DGKG: variants seen among roughly 807,000 people sequenced by gnomAD.
The protein encoded by DGKG is diacylglycerol kinase gamma.
In DGKG, 78 loss-of-function variants were observed where a neutral mutation model predicts 105.3. That is an observed-to-expected ratio of 0.74 (90% CI 0.62 to 0.89). The LOEUF is 0.89. Among genes scored for constraint, DGKG ranks in the 40% least tolerant of loss-of-function variants. The pLI, the probability that DGKG is intolerant of heterozygous loss-of-function variation, is 0.00. For missense variants in DGKG, 958 were observed against 1,020.1 expected (o/e 0.94, Z 0.83); for synonymous variants, 346 against 367.1 (o/e 0.94, Z 0.66).
chr3:186,147,988 A>T lies in DGKG; in HGVS notation c.*2102T>A, dbSNP rs146500564. The T allele has an allele frequency of 5.0e-5, 49 of 985,418 alleles. No homozygotes were observed. The East Asian group carries it at 5.6e-3, about 112-fold the overall frequency. The allele number at this position is 985,418 out of a possible 1,614,324, so 61.0% of individuals were successfully genotyped here. ...CAGAATGGTCCAAGATCTTGCTCCT[A>T]GGTGGTCCTTCACAGTTAAGTGCCA... On this transcript the variant is annotated 3_prime_UTR_variant, in exon 25 of 25. Coordinates refer to ENST00000265022, the MANE Select transcript of DGKG (RefSeq NM_001346.3).
chr3:186,285,064 T>G (rs1187550007), intron 6 of DGKG, among the ~76,000 whole-genome samples: 1 of 152,212 alleles, frequency 6.6e-6, no homozygotes, highest in Non-Finnish European at 1.5e-5. Flanking sequence ...TTTCTTCTAT[T>G]GAGCATAGAA....
intron 20 of DGKG, among the ~76,000 whole-genome samples, chr3:186,221,956 C>CGTGG (rs1719603392): frequency 6.6e-6 from 1 of 152,188 alleles, no homozygotes; most frequent in Non-Finnish European, 1.5e-5. Context: ...AAATGTTGAC[C>CGTGG]GTGGGTCTGA....
intron 3 of DGKG, among the ~76,000 whole-genome samples, chr3:186,300,839 A>C (rs989009458): frequency 2.6e-5 from 4 of 152,256 alleles, no homozygotes; most frequent in Admixed American, 6.5e-5. Flanking sequence ...GAGATTCAGG[A>C]AACCTCGTGA....
chr3:186,240,304 AC>A (rs1720622517), intron 20 of DGKG, among the ~76,000 whole-genome samples: 1 of 152,090 alleles, frequency 6.6e-6, no homozygotes, highest in Non-Finnish European at 1.5e-5. Flanking sequence ...CAGTTACATC[AC>A]TTAACACAAA....
intron 7 of DGKG, among the ~76,000 whole-genome samples, chr3:186,282,093 T>A (rs1722856087): frequency 6.6e-6 from 1 of 152,202 alleles, no homozygotes; most frequent in South Asian, 2.1e-4. Context: ...AGGCCTATTG[T>A]ATGGGATAGG....
At chr3:186,252,329 A>T (rs1721266429) in intron 18 of DGKG, among the ~76,000 whole-genome samples, 1 of 152,226 alleles carries the variant, frequency 6.6e-6, no homozygotes, top group South Asian at 2.1e-4. Context: ...GACACTGCCC[A>T]CCAAGCATAG....
chr3:186,334,427 G>A (rs540680873), intron 1 of DGKG, among the ~76,000 whole-genome samples: 38 of 152,264 alleles, frequency 2.5e-4, no homozygotes, highest in African/African-American at 8.4e-4. Flanking sequence ...TGGGTAGCCA[G>A]GTGCCTCTTC....
rs1224776208 is a variant in DGKG at position 186,149,460 on chromosome 3, G to A, written c.*630C>T. 5 of 985,306 alleles carry A rather than the reference G, an allele frequency of 5.1e-6. No homozygotes were observed. The highest frequency in any genetic ancestry group is 1.2e-4 in the Admixed American group (2 of 16,268). 61.0% of individuals were successfully genotyped at this position (985,306 alleles called of 1,614,324 possible). A position where few individuals can be genotyped will look rare whatever the true frequency, so the allele number is the denominator to read the frequency against. On this transcript the variant is annotated 3_prime_UTR_variant, in exon 25 of 25. Coordinates refer to ENST00000265022, the MANE Select transcript of DGKG (RefSeq NM_001346.3). ...AAAATAACAAGTGCCCACCGACGGC[G>A]CAGAAACCCAAGAATGGAAATACAG...
At chr3:186,349,605 T>C (rs1467316749) in intron 1 of DGKG, among the ~76,000 whole-genome samples, 2 of 152,196 alleles carry the variant, frequency 1.3e-5, no homozygotes, top group Non-Finnish European at 2.9e-5. Context: ...CTCCCTTCTT[T>C]GGAACTGCTA....
At chr3:186,180,488 C>CCTG (rs1252497232) in intron 22 of DGKG, among the ~76,000 whole-genome samples, 7 of 152,156 alleles carry the variant, frequency 4.6e-5, no homozygotes, top group Non-Finnish European at 1.0e-4. Flanking sequence ...CTGTCTTGCT[C>CCTG]TGTCTCAGCC....
At chr3:186,258,556 T>C (rs146847351) in intron 16 of DGKG, among the ~76,000 whole-genome samples, 123 of 152,312 alleles carry the variant, frequency 8.1e-4, no homozygotes, top group Middle Eastern at 6.8e-3. Flanking sequence ...TTTCCTTCAA[T>C]TCAGCATGTA....
At chr3:186,250,075 A>G (rs1039918463) in intron 19 of DGKG, among the ~76,000 whole-genome samples, 2 of 152,160 alleles carry the variant, frequency 1.3e-5, no homozygotes, top group Non-Finnish European at 2.9e-5. Flanking sequence ...GGGAACAGAG[A>G]GGAGAGAACC....
At chr3:186,222,773 T>C (rs1719651623) in intron 20 of DGKG, among the ~76,000 whole-genome samples, 1 of 150,302 alleles carries the variant, frequency 6.7e-6, no homozygotes, top group Non-Finnish European at 1.5e-5. Context: ...GGTCTGGGAG[T>C]TCAAGACCAG....
intron 20 of DGKG, among the ~76,000 whole-genome samples, chr3:186,235,410 A>G (rs191278908): frequency 1.4e-4 from 22 of 152,324 alleles, no homozygotes; most frequent in Non-Finnish European, 1.5e-5. Context: ...CAAATATTAG[A>G]TGAAGAGAGG....
chr3:186,246,939 A>G (rs1720972554), intron 19 of DGKG, among the ~76,000 whole-genome samples: 1 of 152,146 alleles, frequency 6.6e-6, no homozygotes, highest in East Asian at 1.9e-4. Context: ...AGGCTCATGA[A>G]AGCAGAGCTT....
intron 1 of DGKG, among the ~76,000 whole-genome samples, chr3:186,340,986 A>G (rs1220932916): frequency 6.6e-6 from 1 of 152,194 alleles, no homozygotes; most frequent in African/African-American, 2.4e-5. Flanking sequence ...TGTTCTGCAC[A>G]TGAGACTACC....
chr3:186,269,002 G>T, intron 11 of DGKG, 85 bp from the exon 12 acceptor site: 1 of 896,114 alleles, frequency 1.1e-6, no homozygotes, highest in South Asian at 1.4e-5. Flanking sequence ...GATCTGGGAG[G>T]GGACGCGGGG....
At chr3:186,214,096 A>G (rs560210751) in intron 20 of DGKG, among the ~76,000 whole-genome samples, 1 of 152,334 alleles carries the variant, frequency 6.6e-6, no homozygotes, top group South Asian at 2.1e-4. Flanking sequence ...TAGAGTTTCA[A>G]TAAAAGTTTC....
At chr3:186,237,592 G>A (rs1720478622) in intron 20 of DGKG, among the ~76,000 whole-genome samples, 1 of 152,142 alleles carries the variant, frequency 6.6e-6, no homozygotes, top group African/African-American at 2.4e-5. Context: ...CTAAAATGGG[G>A]ACAGTAGCAC....
Sources: allele counts gnomAD v4.1 joint callset (sites outside exome capture counted in the v4.1 genomes callset), GRCh38; gene constraint gnomAD v4.1.1; transcripts MANE v1.5; gene names NCBI Gene and HGNC (gene_info 2026-07-23, HGNC 2026-07-21).